The following USP6 variants were observed in gnomAD, a reference collection of about 807,000 sequenced individuals.
USP6 encodes ubiquitin specific peptidase 6.
USP6 carries 128 observed loss-of-function variants against 175.7 expected under a neutral mutation model. The ratio of observed to expected loss-of-function variants is 0.73; its 90% CI spans 0.63 to 0.84. USP6 has a LOEUF of 0.84. USP6 is among the 40% of genes least tolerant of loss of function. USP6 has a pLI of 0.00. For missense variants in USP6, 1,498 were observed against 1,760.3 expected, an observed-to-expected ratio of 0.85 and a Z score of 2.67; for synonymous variants, 562 against 630.6, an observed-to-expected ratio of 0.89 and a Z score of 1.63.
chr17:5,133,089 G>C, intron 13 of USP6, 99 bp downstream of exon 13: 1 of 1,405,832 alleles, frequency 7.1e-7, no homozygotes, highest in Admixed American at 1.8e-5. Flanking sequence ...CTCAGAGGGC[G>C]GGTGGCACAC....
intron 25 of USP6, among the ~76,000 whole-genome samples, chr17:5,143,236 C>A (rs1271445485): frequency 1.3e-5 from 2 of 152,176 alleles, no homozygotes; most frequent in Non-Finnish European, 2.9e-5. Context: ...GCCCGGCCAC[C>A]ACCCCGTCTG....
intron 23 of USP6, 113 bp from the exon 24 acceptor site, chr17:5,141,890 C>A: frequency 6.8e-7 from 1 of 1,469,130 alleles, no homozygotes; most frequent in Non-Finnish European, 9.1e-7. Flanking sequence ...ATTATTAGCA[C>A]CATTTAGCTG....
At chr17:5,120,115 C>T (rs2072618700) in intron 2 of USP6, among the ~76,000 whole-genome samples, 1 of 152,190 alleles carries the variant, frequency 6.6e-6, no homozygotes, top group Non-Finnish European at 1.5e-5. Flanking sequence ...GAAGCCTACT[C>T]CCCAAGAAGC....
intron 31 of USP6, among the ~76,000 whole-genome samples, chr17:5,160,686 A>G (rs759134410): frequency 4.6e-5 from 7 of 152,332 alleles, no homozygotes; most frequent in Non-Finnish European, 1.0e-4. Flanking sequence ...TGCAATAAAC[A>G]CACGTGTGCA....
chr17:5,169,418 C>A (rs1033529146), intron 35 of USP6, among the ~76,000 whole-genome samples: 3 of 152,044 alleles, frequency 2.0e-5, no homozygotes, highest in African/African-American at 7.2e-5. Flanking sequence ...GATCAAAACT[C>A]CTTTTTTATT....
chr17:5,161,398 T>G lies in USP6; in HGVS notation c.2829-130T>G, dbSNP rs560803351. 1.7e-5 allele frequency: 15 copies of G among 858,260 alleles called. No homozygotes were observed. In the East Asian group the frequency reaches 4.0e-4, roughly 23 times the overall value. The allele number at this position is 858,260 out of a possible 1,614,324, so 53.2% of individuals were successfully genotyped here. ...GCTAATGGATTAGGGTAAGTAACATTGAGCTGTCAACATGAGCATACTGCT... is the reference window on the plus strand; with the variant it reads ...GCTAATGGATTAGGGTAAGTAACATGGAGCTGTCAACATGAGCATACTGCT... On this transcript the variant is annotated intron_variant, in intron 31 of 37. Coordinates refer to ENST00000574788, the MANE Select transcript of USP6 (RefSeq NM_001304284.2).
Position 5,171,686 on chromosome 17 carries a change from AT to A in USP6, c.4047+9del, listed in dbSNP as rs747811059. On this transcript the variant is annotated splice_region_variant and intron_variant, in intron 37 of 37. Coordinates refer to ENST00000574788, the MANE Select transcript of USP6 (RefSeq NM_001304284.2). ...TAATGACAGCAGCTGTGAGGTAAAC[AT>A]TCTCAATCTTTGAATGAAAGTTAGA... 1 of 1,612,720 alleles carries A rather than the reference AT, an allele frequency of 6.2e-7. No homozygotes were observed. The highest frequency in any genetic ancestry group is 8.5e-7 in the Non-Finnish European group (1 of 1,179,262).
Position 5,168,269 on chromosome 17 carries a change from G to A in USP6, c.3228+146G>A, listed in dbSNP as rs535129461. On this transcript the variant is annotated intron_variant, in intron 34 of 37. Coordinates refer to ENST00000574788, the MANE Select transcript of USP6 (RefSeq NM_001304284.2). ...ACATTCTGTACAAGGTTTTTATGTTGAATACAGAGATGAATCTTTCTACAA... is the reference window on the plus strand; with the variant it reads ...ACATTCTGTACAAGGTTTTTATGTTAAATACAGAGATGAATCTTTCTACAA... 1.9e-4 allele frequency: 189 copies of A among 1,005,026 alleles called. 3 individuals are homozygous for A. In the South Asian group the frequency reaches 4.0e-3, roughly 21 times the overall value. 62.3% of individuals were successfully genotyped at this position (1,005,026 alleles called of 1,614,324 possible). A position where few individuals can be genotyped will look rare whatever the true frequency, so the allele number is the denominator to read the frequency against.
rs180790046 is a variant in USP6 at position 5,165,071 on chromosome 17, C to T, written c.3036+2067C>T. The stretch of plus-strand genomic sequence containing the variant: ...GCTAACATTTATGGGAACATGCTTA[C>T]GATATGTGAACATTGTTTTAAAAAC... On this transcript the variant is annotated intron_variant, in intron 33 of 37. Transcript: ENST00000574788. 1.3e-4 allele frequency among the ~76,000 whole-genome samples: 20 copies of T among 151,944 alleles called. No homozygotes were observed. In the East Asian group the frequency reaches 3.3e-3, roughly 25 times the overall value.
intron 25 of USP6, 47 bp downstream of exon 25, chr17:5,142,549 G>T (rs777992097): frequency 3.2e-6 from 5 of 1,549,782 alleles, no homozygotes; most frequent in Non-Finnish European, 4.4e-6. Context: ...CTAAATAGTT[G>T]TTTAATCATT....
In USP6 at chr17:5,130,602, G is replaced by A. The variant is rs373426763; in HGVS notation, c.73G>A (p.Gly25Arg). ...CACCAAGGCTCCCTCTGGGTTACAG[G>A]GACACCGAGCTGGGCTGCCAGAGGA... ...RKDILMKYDK[G>R]HRAGLPEDKG... is the part of the protein sequence containing the mutation. Residue 25 changes from glycine to arginine, a missense_variant and splice_region_variant, in exon 11 of 38, where the codon GGA becomes AGA. By Grantham distance (125) the Gly-to-Arg change is moderately radical. This residue lies in a region of USP6 where 281 missense variants were observed against 259.6 expected (regional missense o/e 1.08). Transcript: ENST00000574788. 1.9e-5 allele frequency: 31 copies of A among 1,613,826 alleles called. No homozygotes were observed. The African/African-American group carries it at 3.1e-4, about 16-fold the overall frequency.
intron 30 of USP6, 110 bp from the exon 31 acceptor site, chr17:5,155,312 G>A: frequency 7.9e-7 from 1 of 1,271,506 alleles, no homozygotes; most frequent in Non-Finnish European, 1.1e-6. Flanking sequence ...GAATGTGATA[G>A]TGACTAATTT....
chr17:5,119,166 T>C (rs1463997332), intron 2 of USP6, among the ~76,000 whole-genome samples: 1 of 152,194 alleles, frequency 6.6e-6, no homozygotes, highest in Non-Finnish European at 1.5e-5. Flanking sequence ...TCAAAGAGAT[T>C]ATCAGACTCT....
chr17:5,162,817 TTTA>T (rs2074029321), intron 32 of USP6, 64 bp from the exon 33 acceptor site: 2 of 1,563,878 alleles, frequency 1.3e-6, no homozygotes, highest in African/African-American at 1.4e-5. Flanking sequence ...GAGAATATTT[TTTA>T]TTAAGAAAAT....
chr17:5,121,351 C>A, intron 3 of USP6, 24 bp from the exon 4 acceptor site: 1 of 342,580 alleles, frequency 2.9e-6, no homozygotes, highest in South Asian at 2.4e-5. Context: ...TCCTGAAACC[C>A]CTGTGGCCCA....
chr17:5,130,180 C>G (rs2073017228), intron 9 of USP6, 91 bp downstream of exon 9: 7 of 600,460 alleles, frequency 1.2e-5, no homozygotes, highest in African/African-American at 1.8e-5. Context: ...CCCACCCCTG[C>G]TTGGGGCTTC....
Position 5,142,092 on chromosome 17 carries a change from C to A in USP6, c.1663C>A (p.Pro555Thr). Reference sequence around the variant, plus strand: ...CATCCAGTGCGTTAGTAACACACAGCCACTGACACAGTATTTTATCTCAGG... The same window carrying A: ...CATCCAGTGCGTTAGTAACACACAGACACTGACACAGTATTTTATCTCAGG... ...SSIQCVSNTQ[P>T]LTQYFISGRH... is the part of the protein sequence containing the mutation. Residue 555 changes from proline to threonine, a missense_variant, in exon 24 of 38, where the codon CCA becomes ACA. Transcript: ENST00000574788. The A allele has an allele frequency of 6.2e-7, 1 of 1,613,756 alleles. No individual in the cohort carries two copies. Among genetic ancestry groups the A allele is most frequent in the Non-Finnish European group, 8.5e-7 (1 of 1,179,794 alleles).
Position 5,139,565 on chromosome 17 carries a change from A to C in USP6, c.1389A>C (p.Ile463=). The C allele has an allele frequency of 6.2e-7, 1 of 1,613,742 alleles. No individual in the cohort carries two copies. Among genetic ancestry groups the C allele is most frequent in the Non-Finnish European group, 8.5e-7 (1 of 1,179,988 alleles). The change falls in exon 22 of 38, where the codon ATA becomes ATC. Residue 463 remains isoleucine (I), a synonymous_variant. Coordinates refer to ENST00000574788, the MANE Select transcript of USP6 (RefSeq NM_001304284.2). The part of the protein sequence containing the change: ...SMPRLPTDLD[I]GGPWFPHYDF... Reference sequence around the variant, plus strand: ...CCCGGCTCCCAACGGACCTGGATATAGGGGGCCCTTGGTTCCCCCATTATG... The same window carrying C: ...CCCGGCTCCCAACGGACCTGGATATCGGGGGCCCTTGGTTCCCCCATTATG...
At position 5,116,214 on chromosome 17, in the gene USP6, G is replaced by C. The variant is rs1597943327; in HGVS notation, c.-2454G>C. Among the ~76,000 whole-genome samples the C allele has an allele frequency of 7.2e-6, 1 of 139,374 alleles. No individual in the cohort carries two copies. The highest frequency in any genetic ancestry group is 2.2e-4 in the South Asian group (1 of 4,650). 91.4% of individuals were successfully genotyped at this position (139,374 alleles called of 152,430 possible). A position where few individuals can be genotyped will look rare whatever the true frequency, so the allele number is the denominator to read the frequency against. Reference sequence around the variant, plus strand: ...AGGAGGGGCCGCGGGCAGCGCTCGAGACGCTCATTGAGAGGACTTCCCGCC... The same window carrying C: ...AGGAGGGGCCGCGGGCAGCGCTCGACACGCTCATTGAGAGGACTTCCCGCC... On this transcript the variant is annotated 5_prime_UTR_variant, in exon 1 of 38. Transcript: ENST00000574788.
Sources: allele counts gnomAD v4.1 joint callset (sites outside exome capture counted in the v4.1 genomes callset), GRCh38; gene constraint gnomAD v4.1.1; regional missense constraint gnomAD v4.1.1; transcripts MANE v1.5; gene names NCBI Gene and HGNC (gene_info 2026-07-23, HGNC 2026-07-21).